CDH2: variants seen among roughly 807,000 people sequenced by gnomAD.
CDH2 encodes the protein cadherin-2.
Under a neutral mutation model 92.0 loss-of-function variants are expected in CDH2, and 17 were observed. That is an observed-to-expected ratio of 0.18 (90% CI 0.13 to 0.28). The LOEUF (loss-of-function observed/expected upper bound fraction) is 0.28. CDH2 is among the 10% of genes least tolerant of loss of function. The pLI, the probability that CDH2 is intolerant of heterozygous loss-of-function variation, is 1.00. For missense variants in CDH2, 862 were observed against 1,133.1 expected (o/e 0.76, Z 3.44); for synonymous variants, 419 against 415.9 (o/e 1.01, Z -0.09).
At chr18:28,038,453 G>GTT (rs1411365367) in intron 2 of CDH2, among the ~76,000 whole-genome samples, 1 of 146,802 alleles carries the variant, frequency 6.8e-6, no homozygotes. Flanking sequence ...GTGTGTGTGT[G>GTT]TGTGTGTGTC....
intron 2 of CDH2, among the ~76,000 whole-genome samples, chr18:28,058,432 G>A (rs533291653): frequency 9.2e-5 from 14 of 152,274 alleles, no homozygotes; most frequent in Admixed American, 2.6e-4. Flanking sequence ...TTGGTTCAAG[G>A]TTAAAATGGC....
chr18:27,983,680 A>C (rs987663559), intron 13 of CDH2, among the ~76,000 whole-genome samples: 2 of 152,210 alleles, frequency 1.3e-5, no homozygotes, highest in South Asian at 2.1e-4. Context: ...AAATAATATT[A>C]GACTTTCATG....
At chr18:28,033,587 A>T (rs1464925674) in intron 2 of CDH2, among the ~76,000 whole-genome samples, 3 of 152,080 alleles carry the variant, frequency 2.0e-5, no homozygotes, top group Non-Finnish European at 2.9e-5. Context: ...AAAGGCTTAG[A>T]ATTTCCCCAT....
intron 14 of CDH2, among the ~76,000 whole-genome samples, chr18:27,969,273 C>T (rs1284192564): frequency 1.3e-5 from 2 of 152,198 alleles, no homozygotes; most frequent in Non-Finnish European, 2.9e-5. Context: ...TGTTCTCTCT[C>T]TTCATATACT....
intron 2 of CDH2, among the ~76,000 whole-genome samples, chr18:28,031,864 T>C (rs548445102): frequency 6.6e-6 from 1 of 152,214 alleles, no homozygotes; most frequent in African/African-American, 2.4e-5. Flanking sequence ...GTTCAATGGG[T>C]GATCAGAGCC....
At position 28,011,933 on chromosome 18, in the gene CDH2, G is replaced by A; in HGVS notation, c.459C>T (p.His153=). The A allele has an allele frequency of 6.2e-7, 1 of 1,613,902 alleles. No individual in the cohort carries two copies. Among genetic ancestry groups the A allele is most frequent in the Non-Finnish European group, 8.5e-7 (1 of 1,179,818 alleles). ...FPRQFSKHSG[H]LQRQKRDWVI... Reference sequence around the variant, plus strand: ...CCCAGTCTCTCTTCTGCCTTTGTAGGTGGCCACTGTGCTTACTGAATTGTC... The same window carrying A: ...CCCAGTCTCTCTTCTGCCTTTGTAGATGGCCACTGTGCTTACTGAATTGTC... The change falls in exon 4 of 16, where the codon CAC becomes CAT. Residue 153 remains histidine, a synonymous_variant. Coordinates refer to ENST00000269141, the MANE Select transcript of CDH2 (RefSeq NM_001792.5).
intron 13 of CDH2, among the ~76,000 whole-genome samples, chr18:27,983,522 AGAAAACACTTATCCAGGAG>A: frequency 6.6e-6 from 1 of 152,334 alleles, no homozygotes; most frequent in Non-Finnish European, 1.5e-5. Context: ...AATTCACAGA[AGAAAACACTTATCCAGGAG>A]GACAAAGCTT....
intron 7 of CDH2, among the ~76,000 whole-genome samples, chr18:28,002,137 G>A (rs1567958548): frequency 6.6e-6 from 1 of 152,182 alleles, no homozygotes; most frequent in Non-Finnish European, 1.5e-5. Context: ...AGTTTCACCA[G>A]GAGTGGGGTT....
At chr18:27,999,589 T>C (rs1221229909) in intron 7 of CDH2, among the ~76,000 whole-genome samples, 2 of 152,018 alleles carry the variant, frequency 1.3e-5, no homozygotes, top group Non-Finnish European at 2.9e-5. Flanking sequence ...ATGATGGCAG[T>C]GGGGAAAACA....
chr18:27,985,368 CT>C lies in CDH2; in HGVS notation c.1976-136del, dbSNP rs2012197176. The C allele has an allele frequency of 2.3e-5, 18 of 777,466 alleles. No individual in the cohort carries two copies. In the South Asian group the frequency reaches 2.8e-4, roughly 12 times the overall value. The allele number at this position is 777,466 out of a possible 1,614,324, so 48.2% of individuals were successfully genotyped here. ...TTACAACTATGCTGCATTCTAAATA[CT>C]TTTTTGGCCGTAAAGGCCTTTAATA... On this transcript the variant is annotated intron_variant, in intron 12 of 15. Transcript: ENST00000269141.
chr18:28,031,051 A>G (rs978421394), intron 2 of CDH2, among the ~76,000 whole-genome samples: 2 of 151,258 alleles, frequency 1.3e-5, no homozygotes, highest in South Asian at 2.1e-4. Flanking sequence ...TCTTGAATAT[A>G]TATGTCTAAA....
chr18:28,011,679 A>G (rs970313990), intron 4 of CDH2, among the ~76,000 whole-genome samples, 167 bp downstream of exon 4: 2 of 152,242 alleles, frequency 1.3e-5, no homozygotes, highest in African/African-American at 4.8e-5. Context: ...GGTAACAAAG[A>G]AAATGAGAAG....
At chr18:28,039,231 A>T (rs2013899725) in intron 2 of CDH2, among the ~76,000 whole-genome samples, 1 of 152,002 alleles carries the variant, frequency 6.6e-6, no homozygotes, top group Non-Finnish European at 1.5e-5. Context: ...ATGAATCCAC[A>T]TTTCTGACGT....
downstream of CDH2, among the ~76,000 whole-genome samples, chr18:27,948,518 C>G (rs545110835): frequency 1.3e-5 from 2 of 151,918 alleles, no homozygotes; most frequent in East Asian, 3.9e-4. Flanking sequence ...AAAAATGAAA[C>G]TTGCTATACA....
At chr18:28,164,605 A>T (rs1172987313) in intron 1 of CDH2, among the ~76,000 whole-genome samples, 2 of 151,848 alleles carry the variant, frequency 1.3e-5, no homozygotes, top group East Asian at 3.9e-4. Context: ...TCATCATGTT[A>T]AAAGCATTCA....
At chr18:28,029,006 T>C (rs1431404774) in intron 2 of CDH2, among the ~76,000 whole-genome samples, 1 of 152,162 alleles carries the variant, frequency 6.6e-6, no homozygotes, top group African/African-American at 2.4e-5. Context: ...TGAAATATTA[T>C]CATGTAACCA....
At position 27,992,749 on chromosome 18, in the gene CDH2, T is replaced by C. The variant is rs1185237692; in HGVS notation, c.1250A>G (p.Asn417Ser). The change falls in exon 9 of 16, where the codon AAC becomes AGC. Residue 417 changes from asparagine to serine, a missense_variant. This residue lies in a region of CDH2 where 564 missense variants were observed against 722.2 expected (regional missense o/e 0.78). Transcript: ENST00000269141. ...DKDQPHTPAWNAVYRISGGDP... is the reference protein window; with the variant it reads ...DKDQPHTPAWSAVYRISGGDP... ...TCCGCCACTGATTCTGTACACTGCG[T>C]TCCAGGCTGGTGTATGGGGTTGATC... The C allele has an allele frequency of 1.9e-6, 3 of 1,613,944 alleles. No homozygotes were observed. The highest frequency in any genetic ancestry group is 1.1e-5 in the South Asian group (1 of 91,082).
chr18:27,961,872 G>C (rs2011413907), intron 15 of CDH2, among the ~76,000 whole-genome samples: 1 of 152,082 alleles, frequency 6.6e-6, no homozygotes, highest in African/African-American at 2.4e-5. Flanking sequence ...GTCTGAGGCA[G>C]GAGGATCATT....
intron 2 of CDH2, among the ~76,000 whole-genome samples, chr18:28,072,805 G>C (rs1263587786): frequency 6.6e-6 from 1 of 152,242 alleles, no homozygotes; most frequent in Non-Finnish European, 1.5e-5. Flanking sequence ...TACGCAAAGA[G>C]TAGTATTTGA....
Sources: gnomAD v4.1 joint callset for allele counts (sites outside exome capture counted in the v4.1 genomes callset) on GRCh38, gnomAD v4.1.1 for gene constraint, gnomAD v4.1.1 regional missense constraint, MANE v1.5 for transcripts, NCBI Gene and HGNC (gene_info 2026-07-23, HGNC 2026-07-21) for gene names.